PTPRD: variants seen among roughly 807,000 people sequenced by gnomAD.
PTPRD encodes the protein protein tyrosine phosphatase receptor type D.
Under a neutral mutation model 214.5 loss-of-function variants are expected in PTPRD, and 34 were observed. The observed-to-expected ratio is 0.16, with a 90% CI of 0.12 to 0.21. The LOEUF is 0.21. Among genes scored for constraint, PTPRD ranks in the 10% least tolerant of loss-of-function variants. The pLI is 1.00. For missense variants in PTPRD, 2,545 were observed against 2,398.7 expected (o/e 1.06, Z -1.27); for synonymous variants, 1,128 against 845.7 (o/e 1.33, Z -5.79).
chr9:8,920,765 C>T (rs936893485), intron 11 of PTPRD, among the ~76,000 whole-genome samples: 1 of 152,140 alleles, frequency 6.6e-6, no homozygotes, highest in African/African-American at 2.4e-5. Flanking sequence ...CATGACACAA[C>T]AGAGTCTATT....
Position 8,713,694 on chromosome 9 carries a change from G to A in PTPRD, c.64+20086C>T, listed in dbSNP as rs1403122119. 16 of 1,512,990 alleles carry A rather than the reference G, an allele frequency of 1.1e-5. No homozygotes were observed. The Admixed American group carries it at 2.2e-4, about 21-fold the overall frequency. 93.7% of individuals were successfully genotyped at this position (1,512,990 alleles called of 1,614,324 possible). A position where few individuals can be genotyped will look rare whatever the true frequency, so the allele number is the denominator to read the frequency against. ...GGGCCCACTCCATTCAGATCATGAT[G>A]GTGGAAGAGATCGCGGCCAGCAAGT... On this transcript the variant is annotated intron_variant, in intron 12 of 45. Coordinates refer to ENST00000381196, the MANE Select transcript of PTPRD (RefSeq NM_002839.4).
At chr9:10,054,022 G>A (rs1034048405) in intron 3 of PTPRD, among the ~76,000 whole-genome samples, 7 of 152,070 alleles carry the variant, frequency 4.6e-5, no homozygotes, top group Admixed American at 1.3e-4. Flanking sequence ...GCATCCCAAA[G>A]CACTGGGATT....
intron 7 of PTPRD, among the ~76,000 whole-genome samples, chr9:9,693,615 T>C (rs2097315263): frequency 6.6e-6 from 1 of 152,218 alleles, no homozygotes. Context: ...TTCTTGTACA[T>C]GAATGTTAAT....
chr9:9,011,822 A>G (rs539451542), intron 11 of PTPRD, among the ~76,000 whole-genome samples: 3 of 152,242 alleles, frequency 2.0e-5, no homozygotes, highest in Admixed American at 1.3e-4. Context: ...TTTTGATGGT[A>G]TCTGTTGTGG....
intron 11 of PTPRD, among the ~76,000 whole-genome samples, chr9:8,770,920 C>T (rs2095156510): frequency 6.6e-6 from 1 of 152,122 alleles, no homozygotes; most frequent in African/African-American, 2.4e-5. Context: ...TGGCTCACGC[C>T]TGTAATACCT....
intron 9 of PTPRD, among the ~76,000 whole-genome samples, chr9:9,303,724 G>T (rs1340402441): frequency 1.3e-5 from 2 of 152,192 alleles, no homozygotes; most frequent in African/African-American, 4.8e-5. Context: ...TCAGCACATG[G>T]TACTTGAGGG....
chr9:8,359,888 G>C (rs1471707004), intron 39 of PTPRD, among the ~76,000 whole-genome samples: 1 of 151,954 alleles, frequency 6.6e-6, no homozygotes. Flanking sequence ...AATATGCATG[G>C]TCTTATCTGA....
At chr9:10,160,805 G>T (rs974296703) in intron 3 of PTPRD, among the ~76,000 whole-genome samples, 1 of 151,874 alleles carries the variant, frequency 6.6e-6, no homozygotes, top group African/African-American at 2.4e-5. Context: ...GCACATGCAT[G>T]ATCTTATACC....
chr9:10,496,133 C>T (rs564422564), intron 2 of PTPRD, among the ~76,000 whole-genome samples: 4 of 151,198 alleles, frequency 2.6e-5, no homozygotes, highest in Non-Finnish European at 4.4e-5. Context: ...CATTAAAAAA[C>T]AGCCTTTGTT....
intron 2 of PTPRD, among the ~76,000 whole-genome samples, chr9:10,354,182 T>C (rs1397510033): frequency 6.6e-6 from 1 of 152,122 alleles, no homozygotes; most frequent in African/African-American, 2.4e-5. Flanking sequence ...TAGATAACAT[T>C]GTCCAGCATA....
intron 9 of PTPRD, among the ~76,000 whole-genome samples, chr9:9,243,373 T>C (rs1030484718): frequency 1.3e-5 from 2 of 152,114 alleles, no homozygotes; most frequent in African/African-American, 4.8e-5. Flanking sequence ...CTGATGAACA[T>C]TGATGCAAAA....
chr9:9,452,459 G>T (rs538041932), intron 8 of PTPRD, among the ~76,000 whole-genome samples: 1 of 151,328 alleles, frequency 6.6e-6, no homozygotes, highest in South Asian at 2.1e-4. Flanking sequence ...GAATGTATGG[G>T]TATATCTAAG....
chr9:10,607,107 A>G (rs2079601724), intron 2 of PTPRD, among the ~76,000 whole-genome samples: 1 of 151,882 alleles, frequency 6.6e-6, no homozygotes, highest in South Asian at 2.1e-4. Context: ...AATGTATATA[A>G]TCGAATATGA....
chr9:10,610,537 C>G (rs1277673811), intron 2 of PTPRD, among the ~76,000 whole-genome samples: 1 of 151,758 alleles, frequency 6.6e-6, no homozygotes, highest in Non-Finnish European at 1.5e-5. Context: ...ATCAGATAGC[C>G]TCTCGGACAT....
intron 8 of PTPRD, among the ~76,000 whole-genome samples, chr9:9,439,736 C>A (rs79555345): frequency 1.3e-5 from 2 of 152,216 alleles, no homozygotes; most frequent in Non-Finnish European, 2.9e-5. Context: ...AAGACTATCA[C>A]TGTGAAGACG....
At chr9:9,690,286 C>T (rs2097246921) in intron 7 of PTPRD, among the ~76,000 whole-genome samples, 2 of 151,878 alleles carry the variant, frequency 1.3e-5, no homozygotes, top group Non-Finnish European at 2.9e-5. Flanking sequence ...TGTGTGTCTT[C>T]TTCTGAGAAC....
intron 9 of PTPRD, among the ~76,000 whole-genome samples, chr9:9,335,151 T>A (rs1168443443): frequency 6.6e-6 from 1 of 152,046 alleles, no homozygotes; most frequent in Non-Finnish European, 1.5e-5. Flanking sequence ...ATATTCCGTG[T>A]TAGCTTTGCT....
At chr9:10,329,551 G>A (rs2096711318) in intron 3 of PTPRD, among the ~76,000 whole-genome samples, 1 of 151,646 alleles carries the variant, frequency 6.6e-6, no homozygotes, top group East Asian at 1.9e-4. Context: ...TGTCTCTCTT[G>A]GCTTTTGATT....
intron 12 of PTPRD, among the ~76,000 whole-genome samples, chr9:8,675,569 C>T (rs947172167): frequency 5.4e-5 from 8 of 146,946 alleles, no homozygotes; most frequent in African/African-American, 7.7e-5. Context: ...AAAAACCTCA[C>T]GCCTGGCAAT....
Sources: gnomAD v4.1 joint callset for allele counts (sites outside exome capture counted in the v4.1 genomes callset) on GRCh38, gnomAD v4.1.1 for gene constraint, MANE v1.5 for transcripts, NCBI Gene and HGNC (gene_info 2026-07-23, HGNC 2026-07-21) for gene names.